Variants in RBMS1 observed in about 807,000 individuals in gnomAD.
RBMS1 encodes the protein RNA binding motif single stranded interacting protein 1, also known as RNA-binding motif, single-stranded-interacting protein 1.
RBMS1 carries 17 observed loss-of-function variants against 62.3 expected under a neutral mutation model. That is an observed-to-expected ratio of 0.27 (90% CI 0.19 to 0.41). RBMS1 has a LOEUF of 0.41. Among genes scored for constraint, RBMS1 ranks in the 10% least tolerant of loss-of-function variants. The pLI is 1.00. For synonymous variants in RBMS1, 172 were observed against 170.0 expected (o/e 1.01, Z -0.09); for missense variants, 334 against 504.5 (o/e 0.66, Z 3.24).
intron 2 of RBMS1, among the ~76,000 whole-genome samples, chr2:160,330,620 T>TG (rs1273859393): frequency 4.9e-5 from 7 of 143,798 alleles, no homozygotes; most frequent in Non-Finnish European, 8.9e-5. Flanking sequence ...GAAAATATGT[T>TG]TTTTTTTTTT....
At chr2:160,376,429 C>T (rs1694003446) in intron 1 of RBMS1, among the ~76,000 whole-genome samples, 1 of 152,050 alleles carries the variant, frequency 6.6e-6, no homozygotes, top group Admixed American at 6.5e-5. Flanking sequence ...TCTTATCTGA[C>T]AATGTTGTAA....
intron 1 of RBMS1, among the ~76,000 whole-genome samples, chr2:160,383,455 G>T (rs964581502): frequency 4.0e-5 from 6 of 149,692 alleles, no homozygotes; most frequent in South Asian, 2.2e-4. Flanking sequence ...ACATGAATTG[G>T]GGGGGGGGGA....
intron 1 of RBMS1, among the ~76,000 whole-genome samples, chr2:160,489,433 T>C (rs1685730138): frequency 6.6e-6 from 1 of 152,180 alleles, no homozygotes; most frequent in Non-Finnish European, 1.5e-5. Flanking sequence ...CTTCATTAGA[T>C]GCAACAGTTT....
intron 1 of RBMS1, among the ~76,000 whole-genome samples, chr2:160,377,032 A>G (rs1694037036): frequency 6.6e-6 from 1 of 151,712 alleles, no homozygotes. Flanking sequence ...GTGAATAAAG[A>G]TAGAGGGGAA....
chr2:160,367,489 C>CTACTTTGAGTT, intron 1 of RBMS1, 98 bp from the exon 2 acceptor site: 2 of 1,528,692 alleles, frequency 1.3e-6, no homozygotes, highest in Non-Finnish European at 1.8e-6. Context: ...TTACTTTAAG[C>CTACTTTGAGTT]TACTTTGAGT....
At position 160,493,437 on chromosome 2, in the gene RBMS1, T is replaced by A; in HGVS notation, c.-74A>T. 1 of 1,453,940 alleles carries A rather than the reference T, an allele frequency of 6.9e-7. No homozygotes were observed. Among genetic ancestry groups the A allele is most frequent in the Admixed American group, 1.7e-5 (1 of 57,390 alleles). The allele number at this position is 1,453,940 out of a possible 1,614,324, so 90.1% of individuals were successfully genotyped here. A position where few individuals can be genotyped will look rare whatever the true frequency, so the allele number is the denominator to read the frequency against. On this transcript the variant is annotated 5_prime_UTR_variant, in exon 1 of 14. Transcript: ENST00000348849. ...TCCAAGTCTCGGGCTCTCCTGCCTCTCCCTTTCCGGCGGCGGCGGCAGCGG... is the reference window on the plus strand; with the variant it reads ...TCCAAGTCTCGGGCTCTCCTGCCTCACCCTTTCCGGCGGCGGCGGCAGCGG...
At chr2:160,275,596 G>C in intron 13 of RBMS1, 34 bp downstream of exon 13, 3 of 1,604,678 alleles carry the variant, frequency 1.9e-6, no homozygotes, top group Non-Finnish European at 2.6e-6. Flanking sequence ...TGCTTGATTT[G>C]AGCCCCCCAG....
At chr2:160,277,496 T>C (rs529180572) in intron 11 of RBMS1, 113 bp from the exon 12 acceptor site, 39 of 740,530 alleles carry the variant, frequency 5.3e-5, no homozygotes, top group Non-Finnish European at 8.7e-5. Context: ...AGAAGAAATT[T>C]AAATGGGCTA....
intron 6 of RBMS1, among the ~76,000 whole-genome samples, chr2:160,294,371 C>T (rs1451517921): frequency 6.6e-6 from 1 of 152,156 alleles, no homozygotes; most frequent in Non-Finnish European, 1.5e-5. Context: ...AAAACTGTAA[C>T]CATGTGCTTT....
At chr2:160,463,217 G>C (rs539331902) in intron 1 of RBMS1, among the ~76,000 whole-genome samples, 1 of 152,284 alleles carries the variant, frequency 6.6e-6, no homozygotes, top group South Asian at 2.1e-4. Context: ...CTAGAAAAAA[G>C]AGGTTCAAAA....
At chr2:160,307,136 G>A (rs541223688) in intron 4 of RBMS1, among the ~76,000 whole-genome samples, 22 of 152,160 alleles carry the variant, frequency 1.4e-4, no homozygotes, top group African/African-American at 5.3e-4. Flanking sequence ...GTCATCATCC[G>A]AAAGAAATTA....
At chr2:160,444,609 T>C (rs980839274) in intron 1 of RBMS1, among the ~76,000 whole-genome samples, 1 of 152,212 alleles carries the variant, frequency 6.6e-6, no homozygotes, top group African/African-American at 2.4e-5. Context: ...CAGAACCCAC[T>C]GCCTTTGTGC....
chr2:160,361,326 C>A (rs1164605766), intron 2 of RBMS1, among the ~76,000 whole-genome samples: 1 of 152,190 alleles, frequency 6.6e-6, no homozygotes, highest in Admixed American at 6.5e-5. Flanking sequence ...CAGGGAGAGC[C>A]ATTACCAAAT....
intron 2 of RBMS1, among the ~76,000 whole-genome samples, chr2:160,329,509 G>GGT (rs1342331843): frequency 6.6e-6 from 1 of 152,166 alleles, no homozygotes; most frequent in Non-Finnish European, 1.5e-5. Context: ...TCATTGCGGA[G>GGT]GTAGGATAGT....
chr2:160,368,179 C>T (rs575912200), intron 1 of RBMS1, among the ~76,000 whole-genome samples: 35 of 152,180 alleles, frequency 2.3e-4, no homozygotes, highest in Non-Finnish European at 2.9e-4. Flanking sequence ...GACCCAGTGC[C>T]ACACACATGA....
intron 10 of RBMS1, chr2:160,279,377 C>G: frequency 6.6e-6 from 1 of 151,958 alleles, no homozygotes; most frequent in South Asian, 2.1e-4. Context: ...AAAACAATTG[C>G]TTCTAACTCA....
At chr2:160,278,909 G>T (rs1353461370) in intron 10 of RBMS1, 2 of 338,442 alleles carry the variant, frequency 5.9e-6, no homozygotes, top group Non-Finnish European at 1.1e-5. Flanking sequence ...CTGTATTAAA[G>T]CCAGTGTCCC....
At chr2:160,346,452 T>A (rs1021651984) in intron 2 of RBMS1, among the ~76,000 whole-genome samples, 7 of 151,966 alleles carry the variant, frequency 4.6e-5, no homozygotes, top group Non-Finnish European at 5.9e-5. Context: ...TTAGAACATA[T>A]CCTTAAAATA....
chr2:160,333,656 C>A (rs968579696), intron 2 of RBMS1, among the ~76,000 whole-genome samples: 2 of 152,126 alleles, frequency 1.3e-5, no homozygotes, highest in Non-Finnish European at 2.9e-5. Flanking sequence ...CTTCCCAAAC[C>A]ACACAATTCA....
Sources: gnomAD v4.1 joint callset for allele counts (sites outside exome capture counted in the v4.1 genomes callset) on GRCh38, gnomAD v4.1.1 for gene constraint, MANE v1.5 for transcripts, NCBI Gene and HGNC (gene_info 2026-07-23, HGNC 2026-07-21) for gene names.